Variants in MCPH1 observed in about 807,000 individuals in gnomAD.
MCPH1 encodes microcephalin.
Under a neutral mutation model 84.5 loss-of-function variants are expected in MCPH1, and 104 were observed. The observed-to-expected ratio is 1.23, with a 90% confidence interval of 1.05 to 1.45. MCPH1 has a LOEUF of 1.45. Among genes scored for constraint, MCPH1 ranks in the 40% most tolerant of loss-of-function variants. The pLI is 0.00. For synonymous variants in MCPH1, 514 were observed against 366.8 expected (o/e 1.40, Z -4.58); for missense variants, 1,498 against 1,005.7 (o/e 1.49, Z -6.62).
At position 6,524,768 on chromosome 8, in the gene MCPH1, A is replaced by C. The variant is rs200617472; in HGVS notation, c.2214+24839A>C. On this transcript the variant is annotated intron_variant, in intron 12 of 13. Coordinates refer to ENST00000344683, the MANE Select transcript of MCPH1 (RefSeq NM_024596.5). ...TTGAGGAAAAACTACCCTTGTGGCC[A>C]TGTAAGGTCTGTAAATAGAAGTTAT... Among the ~76,000 whole-genome samples, 12 of 152,344 alleles carry C rather than the reference A, an allele frequency of 7.9e-5. No homozygotes were observed. In the East Asian group the frequency reaches 1.5e-3, roughly 20 times the overall value.
At position 6,453,978 on chromosome 8, in the gene MCPH1, G is replaced by A. The variant is rs368318354; in HGVS notation, c.1826-1165G>A. ...GCAAATAACAACTAGCTTGAATTCA[G>A]GAAAGTATTAACATTTTTATTCTAC... On this transcript the variant is annotated intron_variant, in intron 8 of 13. Transcript: ENST00000344683. 7.9e-5 allele frequency among the ~76,000 whole-genome samples: 12 copies of A among 152,244 alleles called. No homozygotes were observed. The East Asian group carries it at 2.1e-3, about 27-fold the overall frequency.
intron 12 of MCPH1, among the ~76,000 whole-genome samples, chr8:6,590,721 C>G (rs1828392174): frequency 6.6e-6 from 1 of 152,190 alleles, no homozygotes; most frequent in Non-Finnish European, 1.5e-5. Flanking sequence ...TCTGCTAACT[C>G]ATTTGATTCT....
intron 13 of MCPH1, among the ~76,000 whole-genome samples, chr8:6,627,918 T>A (rs1796866376): frequency 6.6e-6 from 1 of 151,842 alleles, no homozygotes; most frequent in South Asian, 2.1e-4. Context: ...TATATATATA[T>A]ATTTATATAA....
intron 1 of MCPH1, 60 bp downstream of exon 1, chr8:6,406,749 C>T: frequency 1.3e-6 from 2 of 1,584,056 alleles, no homozygotes; most frequent in Non-Finnish European, 1.7e-6. Flanking sequence ...CACCCCTCGT[C>T]GCGGGCGCAC....
intron 12 of MCPH1, among the ~76,000 whole-genome samples, chr8:6,541,959 G>T (rs1378716610): frequency 1.3e-5 from 2 of 148,424 alleles, no homozygotes; most frequent in Non-Finnish European, 3.0e-5. Context: ...AGTGAGCCGT[G>T]ATCGTGCCAC....
chr8:6,503,314 C>A (rs1812569846), intron 12 of MCPH1: 2 of 1,596,732 alleles, frequency 1.3e-6, no homozygotes, highest in Non-Finnish European at 1.7e-6. Context: ...CCAGCTCCCA[C>A]CACGAAGACA....
intron 12 of MCPH1, among the ~76,000 whole-genome samples, chr8:6,573,340 G>C (rs538147434): frequency 6.6e-6 from 1 of 152,198 alleles, no homozygotes; most frequent in Admixed American, 6.5e-5. Context: ...GCCTGTGCTA[G>C]AATATTAACA....
intron 3 of MCPH1, among the ~76,000 whole-genome samples, chr8:6,422,495 C>T (rs59040810): frequency 0.014 from 2,125 of 152,250 alleles, 45 homozygotes; most frequent in African/African-American, 0.049. Context: ...GCTAACCCTA[C>T]AATGGGGATG....
chr8:6,516,916 A>G (rs1182443366), intron 12 of MCPH1, among the ~76,000 whole-genome samples: 1 of 152,196 alleles, frequency 6.6e-6, no homozygotes, highest in African/African-American at 2.4e-5. Flanking sequence ...CAGCACATAA[A>G]TGATTTGAGC....
intron 12 of MCPH1, among the ~76,000 whole-genome samples, chr8:6,511,052 C>A (rs891235999): frequency 6.6e-6 from 1 of 152,190 alleles, no homozygotes; most frequent in Admixed American, 6.5e-5. Context: ...ACTTCCCTTG[C>A]TTATCTTTTA....
At position 6,495,165 on chromosome 8, in the gene MCPH1, A is replaced by G. The variant is rs936932230; in HGVS notation, c.2137-4687A>G. On this transcript the variant is annotated intron_variant, in intron 11 of 13. Coordinates refer to ENST00000344683, the MANE Select transcript of MCPH1 (RefSeq NM_024596.5). ...AAAATGCTTTGGACATAAGTACCCT[A>G]TTATTTTGTTGTTAAAAATTATACT... is the stretch of plus-strand genomic sequence containing the variant. Among the ~76,000 whole-genome samples, 68 of 152,312 alleles carry G rather than the reference A, an allele frequency of 4.5e-4. 1 individual carries two copies. Among genetic ancestry groups the G allele is most frequent in the African/African-American group, 1.6e-3 (65 of 41,564 alleles).
At chr8:6,615,377 C>T (rs1469816640) in intron 12 of MCPH1, among the ~76,000 whole-genome samples, 2 of 152,160 alleles carry the variant, frequency 1.3e-5, no homozygotes, top group African/African-American at 4.8e-5. Flanking sequence ...ATTTTTGCAT[C>T]CTCAGAACTT....
rs141586929 is a variant in MCPH1 at position 6,447,299 on chromosome 8, G to A, written c.1825+1752G>A. On this transcript the variant is annotated intron_variant, in intron 8 of 13. Transcript: ENST00000344683. The stretch of plus-strand genomic sequence containing the variant: ...CATAAAGCCTTCAGTTTCAATGTCA[G>A]GGATGCACACTCTATATCTGGTGAA... 1.4e-4 allele frequency: 136 copies of A among 985,288 alleles called. No homozygotes were observed. The African/African-American group carries it at 2.2e-3, about 16-fold the overall frequency. The allele number at this position is 985,288 out of a possible 1,614,324, so 61.0% of individuals were successfully genotyped here. A position where few individuals can be genotyped will look rare whatever the true frequency, so the allele number is the denominator to read the frequency against.
intron 12 of MCPH1, among the ~76,000 whole-genome samples, chr8:6,559,929 C>T (rs189098010): frequency 1.0e-3 from 158 of 152,276 alleles, no homozygotes; most frequent in Non-Finnish European, 1.9e-3. Flanking sequence ...ATTCATATTC[C>T]TCTGAGTTCA....
At chr8:6,409,120 C>T (rs112503494) in intron 1 of MCPH1, among the ~76,000 whole-genome samples, 159 bp from the exon 2 acceptor site, 1 of 152,104 alleles carries the variant, frequency 6.6e-6, no homozygotes, top group Non-Finnish European at 1.5e-5. Flanking sequence ...CCCCTGACTT[C>T]GTGGATCCAC....
chr8:6,480,806 G>A lies in MCPH1; in HGVS notation c.2066G>A (p.Gly689Glu), dbSNP rs1809122670. ...GAGACCACGACTCACGTGCTTTCCG[G>A]GAAGCCACTTCGCACCCTGAATGTG... The part of the protein sequence containing the change: ...VCETTTHVLS[G>E]KPLRTLNVLL... Residue 689 changes from glycine (G) to glutamate (E), a missense_variant, in exon 11 of 14, where the codon GGG becomes GAG. By Grantham distance (98) the Gly-to-Glu change is moderately conservative. Coordinates refer to ENST00000344683, the MANE Select transcript of MCPH1 (RefSeq NM_024596.5). The A allele has an allele frequency of 1.9e-6, 3 of 1,614,182 alleles. No individual in the cohort carries two copies. The highest frequency in any genetic ancestry group is 2.7e-5 in the African/African-American group (2 of 75,044).
At chr8:6,494,677 C>G (rs184115691) in intron 11 of MCPH1, 1 of 152,216 alleles carries the variant, frequency 6.6e-6, no homozygotes, top group East Asian at 1.9e-4. Context: ...TCCTTTCAGA[C>G]AGTATATCCA....
At chr8:6,547,450 A>T (rs771862652) in intron 12 of MCPH1, among the ~76,000 whole-genome samples, 28 of 152,178 alleles carry the variant, frequency 1.8e-4, no homozygotes, top group Non-Finnish European at 3.4e-4. Context: ...TATAAAAAGC[A>T]TGCCATTCAG....
intron 5 of MCPH1, among the ~76,000 whole-genome samples, chr8:6,437,475 C>T (rs762868061): frequency 2.6e-5 from 4 of 152,116 alleles, no homozygotes; most frequent in East Asian, 1.9e-4. Context: ...GTGATCTGCC[C>T]GCTTCAGCCT....
Sources: gnomAD v4.1 joint callset for allele counts (sites outside exome capture counted in the v4.1 genomes callset) on GRCh38, gnomAD v4.1.1 for gene constraint, MANE v1.5 for transcripts, NCBI Gene and HGNC (gene_info 2026-07-23, HGNC 2026-07-21) for gene names.